CCSER1: variants seen among roughly 807,000 people sequenced by gnomAD.
CCSER1 encodes coiled-coil serine rich protein 1.
CCSER1 carries 41 observed loss-of-function variants against 82.0 expected under a neutral mutation model. That is an observed-to-expected ratio of 0.50 (90% CI 0.39 to 0.65). The LOEUF is 0.65. Ranked by LOEUF, CCSER1 falls within the 30% of genes least tolerant of loss-of-function variation. The probability of loss-of-function intolerance (pLI) is 0.00; values close to 1 mark genes in which losing one functional copy is unlikely to be tolerated. For missense variants in CCSER1, 1,119 were observed against 1,064.2 expected, an observed-to-expected ratio of 1.05 and a Z score of -0.72; for synonymous variants, 414 against 383.9, an observed-to-expected ratio of 1.08 and a Z score of -0.92.
chr4:90,903,552 C>T (rs1432278424), intron 8 of CCSER1, among the ~76,000 whole-genome samples: 2 of 152,100 alleles, frequency 1.3e-5, no homozygotes, highest in African/African-American at 4.8e-5. Flanking sequence ...AATACCAAAA[C>T]CACCAAGTAA....
intron 5 of CCSER1, among the ~76,000 whole-genome samples, chr4:90,575,081 T>C (rs1227217185): frequency 3.3e-5 from 5 of 152,220 alleles, no homozygotes; most frequent in Non-Finnish European, 7.3e-5. Flanking sequence ...TTCCTTTTGC[T>C]TTTGTTCACT....
chr4:90,928,667 C>A (rs549629101), intron 9 of CCSER1, among the ~76,000 whole-genome samples: 4 of 151,902 alleles, frequency 2.6e-5, no homozygotes, highest in Non-Finnish European at 4.4e-5. Context: ...ATAGGGTGAT[C>A]TAGGGAGGTC....
At chr4:91,212,906 A>G (rs1736938318) in intron 10 of CCSER1, among the ~76,000 whole-genome samples, 1 of 152,000 alleles carries the variant, frequency 6.6e-6, no homozygotes, top group Admixed American at 6.6e-5. Context: ...CCCTACTCTT[A>G]TAGCCCCCAG....
At chr4:91,021,516 T>C (rs1739962299) in intron 9 of CCSER1, among the ~76,000 whole-genome samples, 1 of 152,222 alleles carries the variant, frequency 6.6e-6, no homozygotes, top group African/African-American at 2.4e-5. Context: ...CTTCAGTGCA[T>C]ATATTTTTAT....
chr4:91,305,334 TC>T (rs924433511), intron 10 of CCSER1, among the ~76,000 whole-genome samples: 10 of 152,038 alleles, frequency 6.6e-5, no homozygotes, highest in Non-Finnish European at 2.9e-5. Context: ...GTAAATGGGA[TC>T]CATTTGGTAT....
At position 90,704,682 on chromosome 4, in the gene CCSER1, C is replaced by G. The variant is rs537557374; in HGVS notation, c.1933-19232C>G. Among the ~76,000 whole-genome samples, 12 of 152,234 alleles carry G rather than the reference C, an allele frequency of 7.9e-5. No homozygotes were observed. The South Asian group carries it at 8.3e-4, about 11-fold the overall frequency. ...GAGGCTTTGTTCATTTCTTTTTGCT[C>G]TTTATTCTTTGAACTTCTCTTCTCA... On this transcript the variant is annotated intron_variant, in intron 6 of 10. Coordinates refer to ENST00000509176, the MANE Select transcript of CCSER1 (RefSeq NM_001145065.2).
At position 91,543,957 on chromosome 4, in the gene CCSER1, T is replaced by A. The variant is rs544367350; in HGVS notation, c.2218-54615T>A. Among the ~76,000 whole-genome samples the A allele has an allele frequency of 3.3e-5, 5 of 152,294 alleles. No homozygotes were observed. The South Asian group carries it at 1.0e-3, about 32-fold the overall frequency. On this transcript the variant is annotated intron_variant, in intron 10 of 10. Transcript: ENST00000509176. ...GTATGCCAGTCAGACCTAGATTTGG[T>A]CTTTTCACATAGTCCCATATTTCTT... is the stretch of plus-strand genomic sequence containing the variant.
chr4:90,424,630 A>T (rs901857142), intron 4 of CCSER1, among the ~76,000 whole-genome samples: 1 of 152,174 alleles, frequency 6.6e-6, no homozygotes, highest in South Asian at 2.1e-4. Context: ...GAATTACATT[A>T]CTCATAGTCT....
At chr4:90,476,322 A>G (rs1017056931) in intron 5 of CCSER1, among the ~76,000 whole-genome samples, 2 of 152,132 alleles carry the variant, frequency 1.3e-5, no homozygotes, top group Admixed American at 1.3e-4. Context: ...TCGCTGCTCA[A>G]ATGGCCCTAG....
intron 9 of CCSER1, among the ~76,000 whole-genome samples, chr4:91,043,197 C>T (rs1201842161): frequency 6.6e-6 from 1 of 151,930 alleles, no homozygotes; most frequent in Admixed American, 6.6e-5. Context: ...TATCTAATTA[C>T]AGTCCTGATG....
chr4:90,966,595 A>G lies in CCSER1; in HGVS notation c.2172+43148A>G, dbSNP rs902474354. 5.9e-5 allele frequency among the ~76,000 whole-genome samples: 9 copies of G among 152,262 alleles called. No homozygotes were observed. The South Asian group carries it at 1.9e-3, about 32-fold the overall frequency. On this transcript the variant is annotated intron_variant, in intron 9 of 10. Transcript: ENST00000509176. ...ACCTGCCTTATAAGAAATTTTAAAG[A>G]AAGTCCTTCAGACTGAAAGAGAAGG...
intron 10 of CCSER1, among the ~76,000 whole-genome samples, chr4:91,261,578 C>T (rs1168402780): frequency 6.6e-6 from 1 of 152,032 alleles, no homozygotes; most frequent in East Asian, 1.9e-4. Flanking sequence ...TCTCAGCTTC[C>T]CTCCTTCCAC....
At chr4:90,179,841 A>G (rs1258470038) in intron 1 of CCSER1, among the ~76,000 whole-genome samples, 2 of 152,044 alleles carry the variant, frequency 1.3e-5, no homozygotes, top group Non-Finnish European at 2.9e-5. Context: ...TGTAATTACA[A>G]ACATACTTAA....
intron 4 of CCSER1, among the ~76,000 whole-genome samples, chr4:90,404,651 C>A (rs1451535061): frequency 6.6e-6 from 1 of 152,188 alleles, no homozygotes; most frequent in African/African-American, 2.4e-5. Flanking sequence ...GTGCTAGTAT[C>A]CAGGTCTGAA....
chr4:90,345,819 G>A (rs1270321744), intron 3 of CCSER1, among the ~76,000 whole-genome samples: 2 of 152,058 alleles, frequency 1.3e-5, no homozygotes, highest in East Asian at 3.9e-4. Flanking sequence ...AGTAATTATT[G>A]TAAAACAGAA....
intron 1 of CCSER1, among the ~76,000 whole-genome samples, chr4:90,294,747 C>T (rs1409877631): frequency 6.6e-6 from 1 of 151,890 alleles, no homozygotes; most frequent in Non-Finnish European, 1.5e-5. Context: ...GTTGAAGCAT[C>T]GTATTACATA....
At chr4:90,359,861 ATGTGTATATATATG>A (rs1379094451) in intron 3 of CCSER1, among the ~76,000 whole-genome samples, 2 of 149,244 alleles carry the variant, frequency 1.3e-5, no homozygotes, top group African/African-American at 2.5e-5. Flanking sequence ...GTGTATATAT[ATGTGTATATATATG>A]TGTGTATATA....
chr4:91,041,375 A>G (rs1349570517), intron 9 of CCSER1, among the ~76,000 whole-genome samples: 1 of 152,184 alleles, frequency 6.6e-6, no homozygotes, highest in Non-Finnish European at 1.5e-5. Flanking sequence ...ATGTAAGAAA[A>G]TCTCCTGTGT....
At chr4:90,512,793 G>A (rs536226288) in intron 5 of CCSER1, among the ~76,000 whole-genome samples, 2 of 152,092 alleles carry the variant, frequency 1.3e-5, no homozygotes, top group Admixed American at 6.6e-5. Context: ...GCTAATAATT[G>A]CAATAAGTCA....
Sources: allele counts gnomAD v4.1 joint callset (sites outside exome capture counted in the v4.1 genomes callset), GRCh38; gene constraint gnomAD v4.1.1; transcripts MANE v1.5; gene names NCBI Gene and HGNC (gene_info 2026-07-23, HGNC 2026-07-21).